Variants in KRT73 observed in about 807,000 individuals in gnomAD.
KRT73 encodes the protein keratin, type II cytoskeletal 73.
A neutral mutation model predicts 47.2 loss-of-function variants in KRT73; 44 were observed. The observed-to-expected ratio is 0.93, with a 90% CI of 0.73 to 1.20. The LOEUF (loss-of-function observed/expected upper bound fraction) is 1.20. KRT73 is among the 50% of genes most tolerant of loss of function. KRT73 has a pLI of 0.00. For synonymous variants in KRT73, 285 were observed against 291.3 expected (o/e 0.98, Z 0.22); for missense variants, 713 against 704.5 (o/e 1.01, Z -0.14).
Position 52,617,699 on chromosome 12 carries a change from T to C in KRT73, c.447+379A>G, listed in dbSNP as rs182088630. The stretch of plus-strand genomic sequence containing the variant: ...TCAACTCAGAGACCGCTCTCATTGC[T>C]TCCTGGACACCTTCCTGGGCTAGGC... On this transcript the variant is annotated intron_variant, in intron 1 of 8. Transcript: ENST00000305748. Among the ~76,000 whole-genome samples, 37 of 152,314 alleles carry C rather than the reference T, an allele frequency of 2.4e-4. 1 individual carries two copies. The East Asian group carries it at 6.2e-3, about 25-fold the overall frequency.
intron 3 of KRT73, 86 bp from the exon 4 acceptor site, chr12:52,614,760 C>T: frequency 9.5e-7 from 1 of 1,054,990 alleles, no homozygotes; most frequent in South Asian, 1.6e-5. Flanking sequence ...CAGGCCCTGC[C>T]CTAGCTAGCT....
At chr12:52,626,939 C>T in the KRT73 span, among the ~76,000 whole-genome samples, 1 of 152,208 alleles carries the variant, frequency 6.6e-6, no homozygotes, top group Non-Finnish European at 1.5e-5. Context: ...CTCTCTTGTC[C>T]TGATCTTGCC....
At chr12:52,610,529 G>GCCACCCCCCC in intron 7 of KRT73, 86 bp downstream of exon 7, 1 of 295,156 alleles carries the variant, frequency 3.4e-6, no homozygotes. Context: ...CCAGCTCGCC[G>GCCACCCCCCC]CCCCCTCCCC....
chr12:52,608,437 G>T lies in KRT73; in HGVS notation c.1382C>A (p.Ser461Tyr). 6.2e-7 allele frequency: 1 copy of T among 1,610,466 alleles called. No homozygotes were observed. The highest frequency in any genetic ancestry group is 8.5e-7 in the Non-Finnish European group (1 of 1,179,670). ...CCCTGTGCCTGCCATCCCGGCCATG[G>T]AGCTGTTGATGACCGCTGCAGAGGA... ...NSVSISVINS[S>Y]MAGMAGTGAG... Residue 461 changes from serine to tyrosine, a missense_variant, in exon 9 of 9, where the codon TCC becomes TAC. By Grantham distance (144) the Ser-to-Tyr change is moderately radical (BLOSUM62 -2). Coordinates refer to ENST00000305748, the MANE Select transcript of KRT73 (RefSeq NM_175068.3).
chr12:52,630,338 C>T, the KRT73 span, among the ~76,000 whole-genome samples: 3 of 152,216 alleles, frequency 2.0e-5, no homozygotes, highest in African/African-American at 7.2e-5. Context: ...ACGCCTGGCC[C>T]TCCAGGGCCA....
chr12:52,612,851 G>A (rs1940730270), intron 5 of KRT73: 1 of 152,110 alleles, frequency 6.6e-6, no homozygotes, highest in Admixed American at 6.5e-5. Flanking sequence ...GAACTCCCTG[G>A]GCCCTACGTT....
intron 4 of KRT73, 49 bp from the exon 5 acceptor site, chr12:52,613,901 G>A (rs1285392102): frequency 1.3e-6 from 2 of 1,591,388 alleles, no homozygotes; most frequent in African/African-American, 1.3e-5. Context: ...ACCAGAGAAA[G>A]GTCCCAAGGT....
chr12:52,608,181 G>A lies in KRT73; in HGVS notation c.*15C>T. ...GGGCAAGGCAGACTACTGGGAAATG[G>A]GCTGTGTTGCACTTTTATCTCATGG... On this transcript the variant is annotated 3_prime_UTR_variant, in exon 9 of 9. Transcript: ENST00000305748. 2 of 1,601,438 alleles carry A rather than the reference G, an allele frequency of 1.2e-6. No homozygotes were observed. Among genetic ancestry groups the A allele is most frequent in the African/African-American group, 1.3e-5 (1 of 74,840 alleles).
At chr12:52,613,500 C>T in intron 5 of KRT73, 188 bp downstream of exon 5, 1 of 1,063,030 alleles carries the variant, frequency 9.4e-7, no homozygotes, top group Non-Finnish European at 1.3e-6. Context: ...TCCAGGGGTG[C>T]TGTTGATCTA....
At chr12:52,628,962 T>C in the KRT73 span, among the ~76,000 whole-genome samples, 6 of 152,180 alleles carry the variant, frequency 3.9e-5, no homozygotes, top group Non-Finnish European at 8.8e-5. Context: ...CAGGTTTCTG[T>C]GCCCTGAGTT....
Position 52,608,268 on chromosome 12 carries a change from A to G in KRT73, c.1551T>C (p.Ser517=), listed in dbSNP as rs1224608827. The G allele has an allele frequency of 6.2e-7, 1 of 1,613,540 alleles. No individual in the cohort carries two copies. Among genetic ancestry groups the G allele is most frequent in the East Asian group, 2.2e-5 (1 of 44,842 alleles). Residue 517 remains serine, a synonymous_variant, in exon 9 of 9, where the codon AGT becomes AGC. Coordinates refer to ENST00000305748, the MANE Select transcript of KRT73 (RefSeq NM_175068.3). The part of the protein sequence containing the change: ...PRGEARTRLG[S]ASEFRDSQGK... The stretch of plus-strand genomic sequence containing the variant: ...CCTGGGAGTCCCTGAATTCACTTGC[A>G]CTCCCCAGCCTGGTCCTGGCTTCCC...
upstream of KRT73, among the ~76,000 whole-genome samples, chr12:52,620,544 G>T (rs1220911535): frequency 1.3e-5 from 2 of 152,168 alleles, no homozygotes; most frequent in African/African-American, 4.8e-5. Flanking sequence ...TGGGGTGGAG[G>T]TGATTCAGGC....
chr12:52,609,829 A>G (rs1940656910), intron 7 of KRT73: 1 of 153,118 alleles, frequency 6.5e-6, no homozygotes, highest in South Asian at 2.1e-4. Flanking sequence ...ACAAAAGTGC[A>G]TTTCTTTTAA....
intron 6 of KRT73, 129 bp from the exon 7 acceptor site, chr12:52,610,964 A>G: frequency 1.1e-6 from 1 of 927,228 alleles, no homozygotes; most frequent in Non-Finnish European, 1.6e-6. Context: ...AGCCACATCC[A>G]GGTGGAGTCC....
intron 7 of KRT73, 56 bp downstream of exon 7, chr12:52,610,559 T>C (rs1288261717): frequency 6.1e-6 from 2 of 329,538 alleles, no homozygotes; most frequent in Non-Finnish European, 1.1e-5. Flanking sequence ...AACCACACTC[T>C]GGGAAACTTT....
the KRT73 span, among the ~76,000 whole-genome samples, chr12:52,628,396 TCTC>T: frequency 0.4 from 61,031 of 151,472 alleles, 12,429 homozygotes; most frequent in East Asian, 0.5. Context: ...GATCTTCCTC[TCTC>T]CTCCTCCCTT....
chr12:52,617,009 T>C (rs1360872668), intron 1 of KRT73, among the ~76,000 whole-genome samples: 1 of 152,180 alleles, frequency 6.6e-6, no homozygotes. Context: ...TGGTTCCACA[T>C]CACCCTCAGG....
rs369562486 is a variant in KRT73 at position 52,608,352 on chromosome 12, C to G, written c.1467G>C (p.Gly489=). The G allele has an allele frequency of 6.2e-7, 1 of 1,613,620 alleles. No homozygotes were observed. The highest frequency in any genetic ancestry group is 8.5e-7 in the Non-Finnish European group (1 of 1,180,048). Residue 489 remains glycine (G), a synonymous_variant, in exon 9 of 9, where the codon GGG becomes GGC. Transcript: ENST00000305748. The part of the protein sequence containing the change: ...TYGYWPSSVS[G]GYSMLPGGCV... ...AGCCCCCAGGCAGCATGCTGTAGCC[C>G]CCGCTGACAGAGCTGGGCCAGTAGC...
At chr12:52,615,372 G>T in intron 2 of KRT73, 33 bp from the exon 3 acceptor site, 2 of 1,555,062 alleles carry the variant, frequency 1.3e-6, no homozygotes, top group Non-Finnish European at 1.8e-6. Context: ...AGCAGAGTGT[G>T]TGTCTGTGTG....
Sources: allele counts gnomAD v4.1 joint callset (sites outside exome capture counted in the v4.1 genomes callset), GRCh38; gene constraint gnomAD v4.1.1; transcripts MANE v1.5; gene names NCBI Gene and HGNC (gene_info 2026-07-23, HGNC 2026-07-21).